PHTF2: variants seen among roughly 807,000 people sequenced by gnomAD.
The protein encoded by PHTF2 is putative homeodomain transcription factor 2.
A neutral mutation model predicts 101.2 loss-of-function variants in PHTF2; 60 were observed. The observed-to-expected ratio is 0.59, with a 90% confidence interval of 0.48 to 0.73. The LOEUF (loss-of-function observed/expected upper bound fraction) is 0.73, where lower values mean the gene tolerates loss of function less well. Among genes scored for constraint, PHTF2 ranks in the 30% least tolerant of loss-of-function variants. PHTF2 has a pLI of 0.00. For synonymous variants in PHTF2, 311 were observed against 307.3 expected, an observed-to-expected ratio of 1.01 and a Z score of -0.13; for missense variants, 747 against 908.7, an observed-to-expected ratio of 0.82 and a Z score of 2.29.
chr7:77,809,468 C>G (rs918931517), intron 1 of PHTF2, among the ~76,000 whole-genome samples: 44 of 151,974 alleles, frequency 2.9e-4, no homozygotes, highest in African/African-American at 9.9e-4. Context: ...TTTAGGTGAT[C>G]CACCCACCTC....
chr7:77,887,457 A>G (rs1001830072), intron 3 of PHTF2, among the ~76,000 whole-genome samples: 5 of 151,642 alleles, frequency 3.3e-5, no homozygotes, highest in Non-Finnish European at 7.4e-5. Flanking sequence ...GACCTCTGTA[A>G]TGGCTCAAAC....
At chr7:77,849,573 G>A (rs781482451) in intron 2 of PHTF2, among the ~76,000 whole-genome samples, 13 of 152,074 alleles carry the variant, frequency 8.5e-5, no homozygotes, top group Non-Finnish European at 1.9e-4. Context: ...TTAAATTCTA[G>A]GATTATTTTT....
intron 1 of PHTF2, among the ~76,000 whole-genome samples, chr7:77,836,323 C>T (rs1462752191): frequency 6.6e-6 from 1 of 151,980 alleles, no homozygotes. Flanking sequence ...GAGTATCAGG[C>T]ACACTTGGTA....
chr7:77,950,257 A>G (rs1456369203), intron 17 of PHTF2, among the ~76,000 whole-genome samples: 1 of 152,214 alleles, frequency 6.6e-6, no homozygotes, highest in Non-Finnish European at 1.5e-5. Flanking sequence ...AAAGAAACTT[A>G]TTCTCATGAA....
At chr7:77,826,133 CCTA>C (rs1248687205) in intron 1 of PHTF2, among the ~76,000 whole-genome samples, 5 of 151,882 alleles carry the variant, frequency 3.3e-5, no homozygotes, top group Non-Finnish European at 7.4e-5. Context: ...AAAAACATGA[CCTA>C]TATACAAAGA....
At position 77,882,752 on chromosome 7, in the gene PHTF2, T is replaced by C. The variant is rs940606381; in HGVS notation, c.148-10856T>C. On this transcript the variant is annotated intron_variant, in intron 3 of 19. Transcript: ENST00000416283. ...TTAGAGATTTGGTAAAATAATTTGGTAGTTGTTATGCATTTGAAAGAGTTG... is the reference window on the plus strand; with the variant it reads ...TTAGAGATTTGGTAAAATAATTTGGCAGTTGTTATGCATTTGAAAGAGTTG... Among the ~76,000 whole-genome samples the C allele has an allele frequency of 2.0e-5, 3 of 152,178 alleles. No individual in the cohort carries two copies. In the East Asian group the frequency reaches 5.8e-4, roughly 29 times the overall value.
chr7:77,917,650 C>G (rs1190679024), intron 9 of PHTF2, among the ~76,000 whole-genome samples: 1 of 152,082 alleles, frequency 6.6e-6, no homozygotes, highest in Non-Finnish European at 1.5e-5. Flanking sequence ...TTATATAGAT[C>G]AACTTCTAAC....
At chr7:77,919,635 T>C (rs1222578434) in intron 9 of PHTF2, among the ~76,000 whole-genome samples, 1 of 152,212 alleles carries the variant, frequency 6.6e-6, no homozygotes, top group African/African-American at 2.4e-5. Context: ...TTTATTCTTA[T>C]AAATTCCTCA....
intron 3 of PHTF2, among the ~76,000 whole-genome samples, chr7:77,867,677 C>T (rs1409226487): frequency 6.6e-6 from 1 of 152,148 alleles, no homozygotes; most frequent in East Asian, 1.9e-4. Context: ...GGAAAGGGCG[C>T]AGCTAAGGAG....
At chr7:77,901,512 T>C (rs1801391672) in intron 6 of PHTF2, among the ~76,000 whole-genome samples, 1 of 152,210 alleles carries the variant, frequency 6.6e-6, no homozygotes, top group African/African-American at 2.4e-5. Context: ...TGGTGATTTG[T>C]AATTCCTAAC....
At chr7:77,859,564 CTTT>C (rs34014317) in intron 3 of PHTF2, among the ~76,000 whole-genome samples, 31 of 131,582 alleles carry the variant, frequency 2.4e-4, no homozygotes, top group Non-Finnish European at 3.0e-4. Context: ...TTTCTTTCTT[CTTT>C]TTTTTTTTTT....
exon 20 of PHTF2, chr7:77,955,557 G>A (rs1472294437): frequency 1.3e-5 from 2 of 152,546 alleles, no homozygotes; most frequent in Admixed American, 1.3e-4. Context: ...ACACTGGGCT[G>A]TTTGCACAGC....
Position 77,937,155 on chromosome 7 carries a change from A to G in PHTF2, c.1339-555A>G, listed in dbSNP as rs547534377. ...TATCAGAAAAGTAACTAAATCAGAT[A>G]TTAAACGTTAAATATGTAAGGAAGA... On this transcript the variant is annotated intron_variant, in intron 12 of 19. Coordinates refer to ENST00000416283, the Ensembl canonical transcript of PHTF2. 2.6e-5 allele frequency among the ~76,000 whole-genome samples: 4 copies of G among 152,306 alleles called. No homozygotes were observed. The East Asian group carries it at 7.7e-4, about 29-fold the overall frequency.
intron 1 of PHTF2, 83 bp from the exon 2 acceptor site, chr7:77,840,138 A>C (rs1208170218): frequency 1.4e-6 from 1 of 695,508 alleles, no homozygotes; most frequent in Non-Finnish European, 2.6e-6. Flanking sequence ...GCAAGTAACC[A>C]GAGTGCTATG....
chr7:77,880,693 C>T (rs1799336492), intron 3 of PHTF2, among the ~76,000 whole-genome samples: 1 of 152,180 alleles, frequency 6.6e-6, no homozygotes, highest in Non-Finnish European at 1.5e-5. Context: ...TCCACTGTAG[C>T]TCTGGCACCG....
intron 1 of PHTF2, among the ~76,000 whole-genome samples, chr7:77,820,123 A>G (rs1285786427): frequency 6.6e-6 from 1 of 152,174 alleles, no homozygotes; most frequent in Non-Finnish European, 1.5e-5. Context: ...TCTCGACCTC[A>G]GATGATCTGC....
chr7:77,826,226 T>A (rs1057106879), intron 1 of PHTF2, among the ~76,000 whole-genome samples: 15 of 152,064 alleles, frequency 9.9e-5, no homozygotes, highest in African/African-American at 3.4e-4. Context: ...GAGAAAAAAA[T>A]TCAAGATGGC....
chr7:77,882,621 C>G (rs1393562355), intron 3 of PHTF2, among the ~76,000 whole-genome samples: 1 of 152,074 alleles, frequency 6.6e-6, no homozygotes, highest in Non-Finnish European at 1.5e-5. Flanking sequence ...CCCGAAATAA[C>G]ACTAGAATTG....
chr7:77,808,129 T>A (rs1050752558), intron 1 of PHTF2, among the ~76,000 whole-genome samples: 1 of 152,208 alleles, frequency 6.6e-6, no homozygotes, highest in East Asian at 1.9e-4. Context: ...CCTCCAAATT[T>A]GTTGTTCTTT....
Sources: gnomAD v4.1 joint callset for allele counts (sites outside exome capture counted in the v4.1 genomes callset) on GRCh38, gnomAD v4.1.1 for gene constraint, MANE v1.5 for transcripts, NCBI Gene and HGNC (gene_info 2026-07-23, HGNC 2026-07-21) for gene names.